Variants in ABI3BP observed in about 807,000 individuals in gnomAD.
The protein encoded by ABI3BP is ABI family member 3 binding protein.
In ABI3BP, 216 loss-of-function variants were observed where a neutral mutation model predicts 268.6. That is an observed-to-expected ratio of 0.80 (90% CI 0.72 to 0.90). The LOEUF is 0.90. ABI3BP is among the 40% of genes least tolerant of loss of function. The pLI is 0.00. For synonymous variants in ABI3BP, 730 were observed against 730.0 expected, an observed-to-expected ratio of 1.00 and a Z score of 0.00; for missense variants, 2,090 against 2,182.4, an observed-to-expected ratio of 0.96 and a Z score of 0.84.
At chr3:100,851,994 GATTA>G in intron 14 of ABI3BP, 54 bp from the exon 15 acceptor site, 1 of 1,403,842 alleles carries the variant, frequency 7.1e-7, no homozygotes, top group South Asian at 1.3e-5. Context: ...GGTTAAATTT[GATTA>G]ATTTAGAAAG....
intron 1 of ABI3BP, among the ~76,000 whole-genome samples, chr3:100,954,454 C>T (rs1038188355): frequency 6.6e-6 from 1 of 151,972 alleles, no homozygotes; most frequent in Non-Finnish European, 1.5e-5. Context: ...CACGTACATG[C>T]CCTTCCTTCA....
At chr3:100,839,993 T>C in intron 23 of ABI3BP, 79 bp downstream of exon 23, 3 of 1,224,306 alleles carry the variant, frequency 2.5e-6, no homozygotes, top group South Asian at 2.6e-5. Flanking sequence ...AAAGCCCAGT[T>C]GCTCAAGTAG....
chr3:100,863,774 C>A, intron 12 of ABI3BP: 1 of 488,818 alleles, frequency 2.0e-6, no homozygotes, highest in Non-Finnish European at 3.6e-6. Context: ...CATATTGATT[C>A]TGAATTAAAA....
rs1194179366 is a variant in ABI3BP at position 100,839,576 on chromosome 3, G to T, written c.1938C>A (p.Pro646=). The T allele has an allele frequency of 6.5e-7, 1 of 1,535,790 alleles. No individual in the cohort carries two copies. The highest frequency in any genetic ancestry group is 2.0e-5 in the Admixed American group (1 of 50,974). The change falls in exon 24 of 68, where the codon CCC becomes CCA. Residue 646 remains proline (P), a synonymous_variant. Transcript: ENST00000471714. ...TGGAGGGAGTAGAATTACCAGTTGT[G>T]GGCACCAAGGGCTCCGGTTGTATCG... ...PATIQPEPLV[P]TTASKPSERP...
At chr3:100,769,259 C>A (rs1055806621) in intron 62 of ABI3BP, among the ~76,000 whole-genome samples, 3 of 152,154 alleles carry the variant, frequency 2.0e-5, no homozygotes, top group African/African-American at 7.2e-5. Context: ...TTAGGAAATT[C>A]TGCAGCTAAA....
chr3:100,962,464 A>C (rs989609872), intron 1 of ABI3BP, among the ~76,000 whole-genome samples: 2 of 152,202 alleles, frequency 1.3e-5, no homozygotes, highest in Admixed American at 6.5e-5. Flanking sequence ...AAAAAACAAC[A>C]GTAACAAAAC....
intron 55 of ABI3BP, among the ~76,000 whole-genome samples, chr3:100,790,110 A>G (rs1252435843): frequency 6.6e-6 from 1 of 152,022 alleles, no homozygotes; most frequent in Admixed American, 6.6e-5. Flanking sequence ...CTATCAAAAG[A>G]GGACAAGCAA....
intron 6 of ABI3BP, 147 bp from the exon 7 acceptor site, chr3:100,876,707 T>G (rs1581558812): frequency 1.5e-6 from 1 of 672,502 alleles, no homozygotes; most frequent in South Asian, 1.9e-5. Flanking sequence ...TGGCGGGGCG[T>G]GGTGGCTCAC....
intron 63 of ABI3BP, among the ~76,000 whole-genome samples, chr3:100,758,303 G>A (rs1016181556): frequency 6.6e-6 from 1 of 152,070 alleles, no homozygotes; most frequent in Non-Finnish European, 1.5e-5. Context: ...GATACTATTC[G>A]TTATAGTAAT....
At chr3:100,805,116 A>C (rs2097666390) in intron 50 of ABI3BP, among the ~76,000 whole-genome samples, 1 of 152,132 alleles carries the variant, frequency 6.6e-6, no homozygotes, top group Non-Finnish European at 1.5e-5. Flanking sequence ...TCAGAGTAAG[A>C]TGACAACTTT....
chr3:100,794,453 T>G (rs1483586641), intron 54 of ABI3BP, among the ~76,000 whole-genome samples: 1 of 151,952 alleles, frequency 6.6e-6, no homozygotes, highest in Admixed American at 6.6e-5. Flanking sequence ...CCAAGTCCTG[T>G]CTTCATATTA....
chr3:100,764,361 T>C lies in ABI3BP; in HGVS notation c.4850+1480A>G, dbSNP rs146303797. On this transcript the variant is annotated intron_variant, in intron 63 of 67. Transcript: ENST00000471714. ...TCATTAACTGCCTCTCCTCTAGCCT[T>C]GAGTTCAAGGGCAGCCACCATGTTT... 7.2e-5 allele frequency among the ~76,000 whole-genome samples: 11 copies of C among 152,340 alleles called. 2 individuals carry two copies. The highest frequency in any genetic ancestry group is 2.6e-4 in the African/African-American group (11 of 41,578).
In ABI3BP at chr3:100,926,160, A is replaced by G. The variant is rs893350007; in HGVS notation, c.259+142T>C. On this transcript the variant is annotated intron_variant, in intron 2 of 67. Coordinates refer to ENST00000471714, the MANE Select transcript of ABI3BP (RefSeq NM_001375547.2). Reference sequence around the variant, plus strand: ...AATTATGCTATGAGTTACAACAATTATGAAGATGTCTTGTAATTCTACCAT... The same window carrying G: ...AATTATGCTATGAGTTACAACAATTGTGAAGATGTCTTGTAATTCTACCAT... 15 of 830,220 alleles carry G rather than the reference A, an allele frequency of 1.8e-5. No homozygotes were observed. The African/African-American group carries it at 2.4e-4, about 13-fold the overall frequency. The allele number at this position is 830,220 out of a possible 1,614,324, so 51.4% of individuals were successfully genotyped here. A position where few individuals can be genotyped will look rare whatever the true frequency, so the allele number is the denominator to read the frequency against.
intron 27 of ABI3BP, among the ~76,000 whole-genome samples, chr3:100,835,869 G>T (rs558202939): frequency 6.6e-6 from 1 of 152,104 alleles, no homozygotes; most frequent in South Asian, 2.1e-4. Flanking sequence ...TAAGGGCAAT[G>T]AAAAATATTT....
At chr3:100,931,564 C>T (rs1015081323) in intron 1 of ABI3BP, among the ~76,000 whole-genome samples, 3 of 151,692 alleles carry the variant, frequency 2.0e-5, no homozygotes, top group African/African-American at 7.3e-5. Flanking sequence ...CAATAATGTC[C>T]AAACGAAGGG....
chr3:100,923,006 C>A (rs1006646706), intron 2 of ABI3BP, among the ~76,000 whole-genome samples: 1 of 152,100 alleles, frequency 6.6e-6, no homozygotes, highest in African/African-American at 2.4e-5. Flanking sequence ...GCACACAAAT[C>A]TCTTGGCTTA....
rs78181063 is a variant in ABI3BP at position 100,902,735 on chromosome 3, T to C, written c.260-49A>G. 55 of 1,514,908 alleles carry C rather than the reference T, an allele frequency of 3.6e-5. No individual in the cohort carries two copies. In the Middle Eastern group the frequency reaches 5.1e-4, roughly 14 times the overall value. 93.8% of individuals were successfully genotyped at this position (1,514,908 alleles called of 1,614,324 possible). A position where few individuals can be genotyped will look rare whatever the true frequency, so the allele number is the denominator to read the frequency against. ...CAGAAAAACCCTTTGAGAACCAGCATTGGAGGCAGCACACCCCTACCCTGA... is the reference window on the plus strand; with the variant it reads ...CAGAAAAACCCTTTGAGAACCAGCACTGGAGGCAGCACACCCCTACCCTGA... On this transcript the variant is annotated intron_variant, in intron 2 of 67. Transcript: ENST00000471714.
At chr3:100,915,225 C>A (rs928523350) in intron 2 of ABI3BP, among the ~76,000 whole-genome samples, 3 of 152,134 alleles carry the variant, frequency 2.0e-5, no homozygotes, top group African/African-American at 4.8e-5. Flanking sequence ...ATCCCCCAAC[C>A]CACCCCCCAG....
intron 6 of ABI3BP, among the ~76,000 whole-genome samples, chr3:100,879,942 A>G (rs1479407298): frequency 4.6e-5 from 7 of 152,136 alleles, no homozygotes; most frequent in African/African-American, 9.7e-5. Context: ...ATCCTCTCCT[A>G]TGTCTTATCA....
Sources: allele counts gnomAD v4.1 joint callset (sites outside exome capture counted in the v4.1 genomes callset), GRCh38; gene constraint gnomAD v4.1.1; transcripts MANE v1.5; gene names NCBI Gene and HGNC (gene_info 2026-07-23, HGNC 2026-07-21).